The following CSMD1 variants were observed in gnomAD, a reference collection of about 807,000 sequenced individuals.
CSMD1 encodes the protein CUB and sushi domain-containing protein 1.
A neutral mutation model predicts 417.5 loss-of-function variants in CSMD1; 213 were observed. That is an observed-to-expected ratio of 0.51 (90% CI 0.46 to 0.57). The LOEUF is 0.57. Among genes scored for constraint, CSMD1 ranks in the 20% least tolerant of loss-of-function variants. CSMD1 has a pLI of 0.00. For synonymous variants in CSMD1, 2,862 were observed against 1,736.8 expected (o/e 1.65, Z -16.11); for missense variants, 6,923 against 4,529.7 (o/e 1.53, Z -15.17).
At chr8:4,538,186 G>T (rs1173792626) in intron 2 of CSMD1, among the ~76,000 whole-genome samples, 1 of 120,188 alleles carries the variant, frequency 8.3e-6, no homozygotes, top group Non-Finnish European at 1.7e-5. Flanking sequence ...ACTGGAGGTG[G>T]CTACATTTTT....
chr8:3,148,477 C>T (rs372293746), intron 40 of CSMD1, among the ~76,000 whole-genome samples: 11 of 152,248 alleles, frequency 7.2e-5, no homozygotes, highest in South Asian at 2.1e-4. Flanking sequence ...CATTCACATG[C>T]GGCCGAAGTG....
chr8:4,469,867 C>G (rs1490538982), intron 2 of CSMD1, among the ~76,000 whole-genome samples: 1 of 145,040 alleles, frequency 6.9e-6, no homozygotes, highest in Non-Finnish European at 1.5e-5. Flanking sequence ...CTTTGGTTTT[C>G]CTTTTTTTTT....
chr8:3,328,406 G>C (rs1008942512), intron 23 of CSMD1, among the ~76,000 whole-genome samples: 2 of 152,148 alleles, frequency 1.3e-5, no homozygotes, highest in Admixed American at 6.5e-5. Context: ...ATCAGAATTT[G>C]TGTGACCTCA....
At chr8:3,779,378 G>A (rs1267952059) in intron 5 of CSMD1, among the ~76,000 whole-genome samples, 5 of 152,088 alleles carry the variant, frequency 3.3e-5, no homozygotes, top group Non-Finnish European at 7.4e-5. Context: ...AGATGAAGAA[G>A]GGGCTTCAGA....
chr8:3,657,695 G>C (rs903755885), intron 7 of CSMD1, among the ~76,000 whole-genome samples: 2 of 152,138 alleles, frequency 1.3e-5, no homozygotes, highest in Non-Finnish European at 2.9e-5. Context: ...GGGCCTGTCA[G>C]TGGGTAGGGG....
chr8:3,721,049 C>A (rs1802138086), intron 6 of CSMD1, among the ~76,000 whole-genome samples: 1 of 152,034 alleles, frequency 6.6e-6, no homozygotes. Context: ...TCTCAAACTC[C>A]CGACCTTGGG....
intron 37 of CSMD1, among the ~76,000 whole-genome samples, chr8:3,179,162 G>GT (rs1563115627): frequency 5.3e-5 from 8 of 151,440 alleles, no homozygotes; most frequent in East Asian, 3.9e-4. Context: ...AGCCAGGACT[G>GT]TCTCGATCTC....
Position 4,633,748 on chromosome 8 carries a change from C to T in CSMD1, c.302+3594G>A, listed in dbSNP as rs542223027. On this transcript the variant is annotated intron_variant, in intron 2 of 69. Coordinates refer to ENST00000635120, the MANE Select transcript of CSMD1 (RefSeq NM_033225.6). ...ATTTTTTTTGTACTTTTAGTGGAGA[C>T]GGGGTTTCATCATATTGGCCAAGGA... Among the ~76,000 whole-genome samples, 125 of 151,780 alleles carry T rather than the reference C, an allele frequency of 8.2e-4. 2 individuals are homozygous for T. The highest frequency in any genetic ancestry group is 2.5e-3 in the Admixed American group (38 of 15,244).
chr8:4,991,267 G>C (rs1273371001), intron 1 of CSMD1, among the ~76,000 whole-genome samples: 1 of 152,068 alleles, frequency 6.6e-6, no homozygotes, highest in African/African-American at 2.4e-5. Context: ...CTGAAAATAG[G>C]CATTTAAAGA....
chr8:4,136,932 G>C (rs552154442), intron 3 of CSMD1, among the ~76,000 whole-genome samples: 2 of 152,250 alleles, frequency 1.3e-5, no homozygotes, highest in African/African-American at 2.4e-5. Context: ...CCAAGTACTA[G>C]ATTAAAATAT....
chr8:4,731,084 A>G (rs1809827957), intron 1 of CSMD1, among the ~76,000 whole-genome samples: 1 of 152,182 alleles, frequency 6.6e-6, no homozygotes, highest in African/African-American at 2.4e-5. Flanking sequence ...GAGAGAGACC[A>G]TTACCAGCTG....
At position 3,493,691 on chromosome 8, in the gene CSMD1, C is replaced by A. The variant is rs760147468; in HGVS notation, c.1380G>T (p.Glu460Asp). ...IKLAFEEFEL[E>D]RGYDTLTVGD... Reference sequence around the variant, plus strand: ...CAACCGTCAGGGTGTCATAGCCTCGCTCCAGCTCAAACTCTTCAAAGGCAA... The same window carrying A: ...CAACCGTCAGGGTGTCATAGCCTCGATCCAGCTCAAACTCTTCAAAGGCAA... Residue 460 changes from glutamate (E) to aspartate (D), a missense_variant, in exon 11 of 70, where the codon GAG (glutamate) becomes GAT (aspartate). By Grantham distance (45) the Glu-to-Asp change is conservative. Transcript: ENST00000635120. 6.2e-7 allele frequency: 1 copy of A among 1,611,982 alleles called. No homozygotes were observed. Among genetic ancestry groups the A allele is most frequent in the East Asian group, 2.2e-5 (1 of 44,830 alleles).
At chr8:3,548,029 G>T (rs1487852200) in intron 10 of CSMD1, among the ~76,000 whole-genome samples, 1 of 152,156 alleles carries the variant, frequency 6.6e-6, no homozygotes. Context: ...AAACTTCCTG[G>T]AGAGGGGTAA....
rs538935718 is a variant in CSMD1, at chr8:3,345,710, A to C, written c.3475-2260T>G. Among the ~76,000 whole-genome samples the C allele has an allele frequency of 9.6e-4, 146 of 152,314 alleles. 1 individual carries two copies. The highest frequency in any genetic ancestry group is 1.6e-3 in the Non-Finnish European group (112 of 68,032). The stretch of plus-strand genomic sequence containing the variant: ...TATCTGCACTACAAACCCTCCTCAG[A>C]GTTCAGCATTTAATGCCATATACTC... On this transcript the variant is annotated intron_variant, in intron 22 of 69. Coordinates refer to ENST00000635120, the MANE Select transcript of CSMD1 (RefSeq NM_033225.6).
At chr8:4,416,620 T>C (rs1207495985) in intron 3 of CSMD1, among the ~76,000 whole-genome samples, 1 of 152,060 alleles carries the variant, frequency 6.6e-6, no homozygotes, top group Non-Finnish European at 1.5e-5. Context: ...CTTTTTAAAA[T>C]CTAAAGAGAA....
intron 12 of CSMD1, among the ~76,000 whole-genome samples, chr8:3,437,718 C>T (rs909953281): frequency 2.6e-5 from 4 of 151,774 alleles, no homozygotes; most frequent in Non-Finnish European, 4.4e-5. Flanking sequence ...CTGTTCCCAC[C>T]AAAGCCACTA....
chr8:4,863,843 T>G (rs1047674943), intron 1 of CSMD1, among the ~76,000 whole-genome samples: 3 of 152,082 alleles, frequency 2.0e-5, no homozygotes, highest in Non-Finnish European at 4.4e-5. Flanking sequence ...ATGAAATTTT[T>G]TATACTTTTT....
intron 5 of CSMD1, among the ~76,000 whole-genome samples, chr8:3,948,130 G>A (rs545613948): frequency 7.2e-5 from 11 of 152,178 alleles, no homozygotes; most frequent in Admixed American, 3.9e-4. Context: ...TGCTTTAACC[G>A]AGAGGCTTAG....
At chr8:3,671,258 G>A (rs1331758162) in intron 7 of CSMD1, among the ~76,000 whole-genome samples, 35 of 105,550 alleles carry the variant, frequency 3.3e-4, no homozygotes, top group Middle Eastern at 5.0e-3. Flanking sequence ...ATATATATAT[G>A]TATATATATA....
Sources: allele counts gnomAD v4.1 joint callset (sites outside exome capture counted in the v4.1 genomes callset), GRCh38; gene constraint gnomAD v4.1.1; transcripts MANE v1.5; gene names NCBI Gene and HGNC (gene_info 2026-07-23, HGNC 2026-07-21).